Variants in NLGN1 observed in about 807,000 individuals in gnomAD.
NLGN1 encodes neuroligin-1.
Under a neutral mutation model 65.5 loss-of-function variants are expected in NLGN1, and 12 were observed. The ratio of observed to expected loss-of-function variants is 0.18; its 90% CI spans 0.12 to 0.30. NLGN1 has a LOEUF of 0.30. NLGN1 is among the 10% of genes least tolerant of loss of function. NLGN1 has a pLI of 1.00. For missense variants in NLGN1, 750 were observed against 1,007.1 expected (o/e 0.74, Z 3.46); for synonymous variants, 350 against 359.5 (o/e 0.97, Z 0.30).
At chr3:173,789,488 A>G (rs1712159419) in intron 3 of NLGN1, among the ~76,000 whole-genome samples, 1 of 152,216 alleles carries the variant, frequency 6.6e-6, no homozygotes, top group African/African-American at 2.4e-5. Context: ...CCCAAGGTGG[A>G]TAGAACACAT....
At chr3:173,491,804 G>A (rs188851169) in intron 2 of NLGN1, among the ~76,000 whole-genome samples, 2 of 151,652 alleles carry the variant, frequency 1.3e-5, no homozygotes, top group East Asian at 3.9e-4. Flanking sequence ...TACTAAATCT[G>A]CTCCTAATTT....
chr3:174,092,185 C>G (rs1744647929), intron 4 of NLGN1, among the ~76,000 whole-genome samples: 1 of 152,138 alleles, frequency 6.6e-6, no homozygotes, highest in South Asian at 2.1e-4. Context: ...GATGACTCTT[C>G]AGAGCTTGTA....
chr3:174,195,903 G>A (rs1733326691), intron 4 of NLGN1, among the ~76,000 whole-genome samples: 1 of 152,110 alleles, frequency 6.6e-6, no homozygotes, highest in Non-Finnish European at 1.5e-5. Flanking sequence ...ACTCACTCCA[G>A]TTTCACCAAA....
intron 4 of NLGN1, among the ~76,000 whole-genome samples, chr3:174,074,853 A>T (rs1740581947): frequency 1.3e-5 from 2 of 152,164 alleles, no homozygotes; most frequent in East Asian, 1.9e-4. Context: ...TCTTGCCCAG[A>T]TACATGCTGG....
At chr3:173,885,403 A>G (rs548476615) in intron 4 of NLGN1, among the ~76,000 whole-genome samples, 16 of 152,152 alleles carry the variant, frequency 1.1e-4, no homozygotes, top group Admixed American at 2.0e-4. Context: ...AAAAGTGAAA[A>G]GAATCTCTTT....
intron 4 of NLGN1, among the ~76,000 whole-genome samples, chr3:174,041,771 G>C (rs978904262): frequency 6.6e-6 from 1 of 152,122 alleles, no homozygotes; most frequent in Non-Finnish European, 1.5e-5. Flanking sequence ...TTTGCGAAAG[G>C]TTTGTTCAAA....
chr3:173,833,824 T>G (rs1408952378), intron 4 of NLGN1, among the ~76,000 whole-genome samples: 1 of 152,202 alleles, frequency 6.6e-6, no homozygotes, highest in Non-Finnish European at 1.5e-5. Context: ...TCATGGCATG[T>G]TTTCTCCTAT....
intron 2 of NLGN1, among the ~76,000 whole-genome samples, chr3:173,478,407 G>C (rs1273823054): frequency 1.3e-5 from 2 of 152,088 alleles, no homozygotes; most frequent in East Asian, 1.9e-4. Context: ...TGTAGGGAGT[G>C]GGGAGGGAGA....
rs574783956 is a variant in NLGN1 at position 173,927,475 on chromosome 3, A to T, written c.646+119643A>T. On this transcript the variant is annotated intron_variant, in intron 4 of 6. Coordinates refer to ENST00000457714, the Ensembl canonical transcript of NLGN1. ...TAACTCAGTCATGACATAGGCTCAGAAACTTAAGGGAGGGATGGGGACACA... is the reference window on the plus strand; with the variant it reads ...TAACTCAGTCATGACATAGGCTCAGTAACTTAAGGGAGGGATGGGGACACA... 2.0e-5 allele frequency among the ~76,000 whole-genome samples: 3 copies of T among 152,234 alleles called. No homozygotes were observed. In the South Asian group the frequency reaches 6.2e-4, roughly 32 times the overall value.
chr3:173,488,488 C>T (rs957110919), intron 2 of NLGN1, among the ~76,000 whole-genome samples: 4 of 151,942 alleles, frequency 2.6e-5, no homozygotes, highest in Admixed American at 2.6e-4. Flanking sequence ...TACACTTTTG[C>T]CTATGTCTAT....
At chr3:173,397,808 G>A (rs2148588293), upstream of NLGN1, 1 of 152,284 alleles carries the variant, frequency 6.6e-6, no homozygotes, top group Admixed American at 6.5e-5. Flanking sequence ...CCAGCGCCGA[G>A]CGCGCGGAGC....
At chr3:174,197,406 A>T (rs12630068) in intron 4 of NLGN1, among the ~76,000 whole-genome samples, 112,161 of 151,606 alleles carry the variant, frequency 0.74, 41,558 homozygotes, top group East Asian at 0.83. Flanking sequence ...TACAGAGTGA[A>T]TAAGTGAGCC....
intron 3 of NLGN1, among the ~76,000 whole-genome samples, chr3:173,754,100 G>A (rs1578269203): frequency 6.8e-6 from 1 of 147,132 alleles, no homozygotes; most frequent in East Asian, 2.0e-4. Flanking sequence ...GCGGGGTAGT[G>A]CAGTGGCATG....
chr3:174,158,679 G>C (rs1725925953), intron 4 of NLGN1, among the ~76,000 whole-genome samples: 1 of 149,916 alleles, frequency 6.7e-6, no homozygotes, highest in Non-Finnish European at 1.5e-5. Context: ...AGTTGGAATA[G>C]TGTTATTTTG....
chr3:173,507,501 T>G (rs1299762173), intron 2 of NLGN1, among the ~76,000 whole-genome samples: 1 of 152,188 alleles, frequency 6.6e-6, no homozygotes, highest in African/African-American at 2.4e-5. Flanking sequence ...GAAATAATTA[T>G]GATTTCACTT....
At chr3:173,572,828 T>A (rs1316134884) in intron 2 of NLGN1, among the ~76,000 whole-genome samples, 9 of 152,176 alleles carry the variant, frequency 5.9e-5, no homozygotes, top group African/African-American at 1.4e-4. Context: ...CCTCTTGTCT[T>A]CCTTTGCCTT....
chr3:173,792,551 C>G (rs1343470556), intron 3 of NLGN1, among the ~76,000 whole-genome samples: 1 of 151,978 alleles, frequency 6.6e-6, no homozygotes, highest in Non-Finnish European at 1.5e-5. Flanking sequence ...ATAATAAGAA[C>G]TTTAAGGAAT....
chr3:174,291,304 A>G (rs76062052), downstream of NLGN1, among the ~76,000 whole-genome samples: 359 of 151,264 alleles, frequency 2.4e-3, 1 homozygote, highest in African/African-American at 8.4e-3. Context: ...CAAAACAAGG[A>G]AACACAACAA....
intron 4 of NLGN1, among the ~76,000 whole-genome samples, chr3:173,845,412 G>T (rs1725539528): frequency 6.6e-6 from 1 of 152,060 alleles, no homozygotes; most frequent in Admixed American, 6.6e-5. Context: ...CTCTGTTGAA[G>T]CAAAAACAAA....
Sources: gnomAD v4.1 joint callset for allele counts (sites outside exome capture counted in the v4.1 genomes callset) on GRCh38, gnomAD v4.1.1 for gene constraint, MANE v1.5 for transcripts, NCBI Gene and HGNC (gene_info 2026-07-23, HGNC 2026-07-21) for gene names.